Variants in P2RX1 observed in about 807,000 individuals in gnomAD.
P2RX1 encodes purinergic receptor P2X 1, also known as P2X purinoceptor 1.
Under a neutral mutation model 50.3 loss-of-function variants are expected in P2RX1, and 42 were observed. That is an observed-to-expected ratio of 0.83 (90% confidence interval 0.65 to 1.08). The LOEUF (loss-of-function observed/expected upper bound fraction) is 1.08, where lower values mean the gene tolerates loss of function less well. Among genes scored for constraint, P2RX1 ranks in the 50% least tolerant of loss-of-function variants. P2RX1 has a pLI of 0.00. For missense variants in P2RX1, 449 were observed against 529.0 expected, an observed-to-expected ratio of 0.85 and a Z score of 1.48; for synonymous variants, 199 against 202.6, an observed-to-expected ratio of 0.98 and a Z score of 0.15.
chr17:3,903,370 T>A lies in P2RX1; in HGVS notation c.606-27A>T, dbSNP rs7219732. 174,452 of 1,613,218 alleles carry A rather than the reference T, an allele frequency of 0.11. 12,680 individuals carry two copies. Among genetic ancestry groups the A allele is most frequent in the African/African-American group, 0.34 (25,223 of 74,952 alleles). On this transcript the variant is annotated intron_variant, in intron 6 of 11. Coordinates refer to ENST00000225538, the MANE Select transcript of P2RX1 (RefSeq NM_002558.4). This position sits in a 1 kb window ranked among gnomAD's most constrained non-coding sequence, Gnocchi z 4.6. ...TGTGGGGGTGGAAGGTGTTGACAGC[T>A]GCTGTGTGTCATCCGGGAGGGTGCC...
chr17:3,909,203 TTTA>T (rs1234422869), intron 1 of P2RX1, among the ~76,000 whole-genome samples: 1 of 151,956 alleles, frequency 6.6e-6, no homozygotes, highest in Non-Finnish European at 1.5e-5. Context: ...GCTAATTTTT[TTTA>T]TTTTTAGTAG....
intron 7 of P2RX1, among the ~76,000 whole-genome samples, chr17:3,901,993 G>A (rs1190592850): frequency 1.3e-5 from 2 of 152,192 alleles, no homozygotes; most frequent in Non-Finnish European, 2.9e-5. Context: ...GGCAGAGCTG[G>A]GATTTGAACC....
intron 1 of P2RX1, among the ~76,000 whole-genome samples, chr17:3,911,714 C>T (rs1034333520): frequency 1.3e-5 from 2 of 152,242 alleles, no homozygotes; most frequent in African/African-American, 4.8e-5. Flanking sequence ...ATCGCCCCTG[C>T]TCTCCCTTTC....
rs190217344 is a variant in P2RX1, at chr17:3,903,938, C to T, written c.514G>A (p.Asp172Asn). 19 of 1,613,154 alleles carry T rather than the reference C, an allele frequency of 1.2e-5. No individual in the cohort carries two copies. Among genetic ancestry groups the T allele is most frequent in the Admixed American group, 1.7e-5 (1 of 60,018 alleles). The change falls in exon 5 of 12, where the codon GAC becomes AAC. Residue 172 changes from aspartate to asparagine, a missense_variant. Physicochemically the swap from Asp to Asn is conservative, Grantham distance 23. Coordinates refer to ENST00000225538, the MANE Select transcript of P2RX1 (RefSeq NM_002558.4). This position sits in a 1 kb window ranked among gnomAD's most constrained non-coding sequence, Gnocchi z 4.6. ...FGWCPVEVDDDIPRPALLREA... is the reference protein window; with the variant it reads ...FGWCPVEVDDNIPRPALLREA... Reference sequence around the variant, plus strand: ...AGGTCAGAGTGTTACCGCGGGATGTCGTCATCCACCTCCACGGGGCACCAG... The same window carrying T: ...AGGTCAGAGTGTTACCGCGGGATGTTGTCATCCACCTCCACGGGGCACCAG...
chr17:3,901,291 T>C (rs373503633), intron 7 of P2RX1, among the ~76,000 whole-genome samples: 232 of 152,258 alleles, frequency 1.5e-3, no homozygotes, highest in South Asian at 5.8e-3. Context: ...ATGGTCTCGA[T>C]CTCCTGACCT....
chr17:3,899,537 C>G, intron 8 of P2RX1, 97 bp downstream of exon 8: 1 of 1,531,106 alleles, frequency 6.5e-7, no homozygotes, highest in Non-Finnish European at 9.0e-7. Flanking sequence ...CCCTCTGCTC[C>G]CCTCTGGGGA....
Position 3,904,946 on chromosome 17 carries a change from G to T in P2RX1, c.286-17C>A. 1.5e-6 allele frequency: 2 copies of T among 1,334,348 alleles called. No homozygotes were observed. Among genetic ancestry groups the T allele is most frequent in the Non-Finnish European group, 1.1e-6 (1 of 941,970 alleles). 82.7% of individuals were successfully genotyped at this position (1,334,348 alleles called of 1,614,324 possible). On this transcript the variant is annotated splice_polypyrimidine_tract_variant and intron_variant, in intron 2 of 11. Coordinates refer to ENST00000225538, the MANE Select transcript of P2RX1 (RefSeq NM_002558.4). ...GTTGTCCCCCTAGAAGTGAGGGGCA[G>T]GGGGAGGGTGGGGTGGGCTGGGAGC...
chr17:3,916,054 G>A lies in P2RX1; in HGVS notation c.137+35C>T, dbSNP rs764881806. 9 of 1,612,246 alleles carry A rather than the reference G, an allele frequency of 5.6e-6. No individual in the cohort carries two copies. In the South Asian group the frequency reaches 6.6e-5, roughly 12 times the overall value. On this transcript the variant is annotated intron_variant, in intron 1 of 11. Transcript: ENST00000225538. Reference sequence around the variant, plus strand: ...GTCTGGAGGACAGGCCCGGGGTAGGGGCTGGTGCAGGCAGCGGGAGGCGCC... The same window carrying A: ...GTCTGGAGGACAGGCCCGGGGTAGGAGCTGGTGCAGGCAGCGGGAGGCGCC...
chr17:3,912,806 T>TC (rs1199095252), intron 1 of P2RX1, among the ~76,000 whole-genome samples: 12 of 152,030 alleles, frequency 7.9e-5, no homozygotes, highest in Non-Finnish European at 1.3e-4. Context: ...GATGTGTTTC[T>TC]CCCCCCAATA....
rs762515570 is a variant in P2RX1, at chr17:3,916,234, G to T, written c.-9C>A. On this transcript the variant is annotated 5_prime_UTR_variant, in exon 1 of 12. Transcript: ENST00000225538. ...TGGAACCGCCGTGCCATGGTGGGCC[G>T]GCTGGGGCTCAGAACTGAGCCCCCT... 2 of 1,612,836 alleles carry T rather than the reference G, an allele frequency of 1.2e-6. No individual in the cohort carries two copies.
intron 11 of P2RX1, 35 bp from the exon 12 acceptor site, chr17:3,897,914 T>A: frequency 6.2e-7 from 1 of 1,613,120 alleles, no homozygotes; most frequent in Non-Finnish European, 8.5e-7. Context: ...GGGATACAAG[T>A]CAGTGCTGGG....
rs971079768 is a variant in P2RX1 at position 3,905,278 on chromosome 17, T to C, written c.227A>G (p.Gln76Arg). The C allele has an allele frequency of 3.1e-5, 50 of 1,613,762 alleles. No homozygotes were observed. Among genetic ancestry groups the C allele is most frequent in the Non-Finnish European group, 4.2e-5 (49 of 1,180,016 alleles). Residue 76 changes from glutamine to arginine, a missense_variant, in exon 2 of 12, where the codon CAG (glutamine) becomes CGG (arginine). Physicochemically the swap from Gln to Arg is conservative, Grantham distance 43. Coordinates refer to ENST00000225538, the MANE Select transcript of P2RX1 (RefSeq NM_002558.4). Reference sequence around the variant, plus strand: ...GACCTGGGGGCCGAGGCCAGGGAGCTGGGTCACGGCCAGGCCCTTGAGTTT... The same window carrying C: ...GACCTGGGGGCCGAGGCCAGGGAGCCGGGTCACGGCCAGGCCCTTGAGTTT... Reference protein sequence around the residue: ...SVKLKGLAVTQLPGLGPQVWD... With the variant: ...SVKLKGLAVTRLPGLGPQVWD...
chr17:3,908,461 G>A (rs1159574750), intron 1 of P2RX1, among the ~76,000 whole-genome samples: 1 of 152,182 alleles, frequency 6.6e-6, no homozygotes, highest in African/African-American at 2.4e-5. Context: ...TACTTGGGAG[G>A]CTGAGGCAGA....
rs748216065 is a variant in P2RX1, at chr17:3,904,284, A to ACCG, written c.427+43_427+45dup. On this transcript the variant is annotated intron_variant, in intron 4 of 11. Transcript: ENST00000225538. Reference sequence around the variant, plus strand: ...AAGCTGGGCCTGCAGGACGTCAGGGACCGCAGCCGGGGGACTGTGGAGGGA... The same window carrying ACCG: ...AAGCTGGGCCTGCAGGACGTCAGGGACCGCCGCAGCCGGGGGACTGTGGAGGGA... 6 of 1,562,216 alleles carry ACCG rather than the reference A, an allele frequency of 3.8e-6. No homozygotes were observed. In the South Asian group the frequency reaches 6.7e-5, roughly 17 times the overall value.
At chr17:3,904,080 G>T (rs2056209665) in intron 4 of P2RX1, 56 bp from the exon 5 acceptor site, 6 of 1,408,366 alleles carry the variant, frequency 4.3e-6, no homozygotes, top group South Asian at 1.2e-5. Context: ...GGCCGCCCCA[G>T]ACCCCTTCTC....
intron 7 of P2RX1, among the ~76,000 whole-genome samples, chr17:3,901,598 T>G (rs2143980335): frequency 6.6e-6 from 1 of 152,284 alleles, no homozygotes; most frequent in South Asian, 2.1e-4. Flanking sequence ...ATCTGGCCCT[T>G]GAAAAAAAAG....
chr17:3,899,649 G>A lies in P2RX1; in HGVS notation c.860C>T (p.Pro287Leu), dbSNP rs765140864. 153 of 1,613,404 alleles carry A rather than the reference G, an allele frequency of 9.5e-5. No homozygotes were observed. The highest frequency in any genetic ancestry group is 1.2e-4 in the Non-Finnish European group (147 of 1,179,638). Residue 287 changes from proline (P) to leucine (L), a missense_variant, in exon 8 of 12, where the codon CCA (proline) becomes CTA (leucine). By Grantham distance (98) the Pro-to-Leu change is moderately conservative. Transcript: ENST00000225538. ...HGLYEEKNLS[P>L]GFNFRFARHF... ...TGGCAGACACCTGAAGTTGAAGCCT[G>A]GGGAGAGATTTTTCTCTTCGTACAG...
rs1358688866 is a variant in P2RX1, at chr17:3,904,204, T to C, written c.427+126A>G. ...GAGGAGGGGAGACGGCAGGAGGGAG[T>C]CCCTCCCGGAGGCCGCCTCGGCGGG... On this transcript the variant is annotated intron_variant, in intron 4 of 11. Transcript: ENST00000225538. The C allele has an allele frequency of 2.8e-6, 3 of 1,062,998 alleles. No homozygotes were observed. The East Asian group carries it at 7.2e-5, about 26-fold the overall frequency. The allele number at this position is 1,062,998 out of a possible 1,614,324, so 65.8% of individuals were successfully genotyped here.
At chr17:3,900,926 C>A (rs574260298) in intron 7 of P2RX1, among the ~76,000 whole-genome samples, 2 of 151,946 alleles carry the variant, frequency 1.3e-5, no homozygotes, top group South Asian at 2.1e-4. Flanking sequence ...CTCCTCTGGG[C>A]GAGGCGAGTA....
Sources: gnomAD v4.1 joint callset for allele counts (sites outside exome capture counted in the v4.1 genomes callset) on GRCh38, gnomAD v4.1.1 for gene constraint, Gnocchi (gnomAD v3.1) non-coding constraint, MANE v1.5 for transcripts, NCBI Gene and HGNC (gene_info 2026-07-23, HGNC 2026-07-21) for gene names.